SLC24A2: variants seen among roughly 807,000 people sequenced by gnomAD.
SLC24A2 encodes the protein solute carrier family 24 member 2.
In SLC24A2, 36 loss-of-function variants were observed where a neutral mutation model predicts 62.0. The observed-to-expected ratio is 0.58, with a 90% CI of 0.44 to 0.77. The LOEUF is 0.77. Among genes scored for constraint, SLC24A2 ranks in the 30% least tolerant of loss-of-function variants. The pLI, the probability that SLC24A2 is intolerant of heterozygous loss-of-function variation, is 0.00. For synonymous variants in SLC24A2, 358 were observed against 294.0 expected, an observed-to-expected ratio of 1.22 and a Z score of -2.23; for missense variants, 846 against 817.9, an observed-to-expected ratio of 1.03 and a Z score of -0.42.
chr9:19,703,834 C>A (rs559299022), intron 2 of SLC24A2, among the ~76,000 whole-genome samples: 4 of 152,188 alleles, frequency 2.6e-5, no homozygotes, highest in African/African-American at 7.2e-5. Flanking sequence ...AATCATAGCA[C>A]ATAAGAATGA....
chr9:20,062,662 G>C, the SLC24A2 span, among the ~76,000 whole-genome samples: 31 of 136,128 alleles, frequency 2.3e-4, no homozygotes, highest in South Asian at 2.6e-4. Flanking sequence ...AAACTAAAGA[G>C]CTTCTGCACA....
chr9:19,811,099 G>A, the SLC24A2 span, among the ~76,000 whole-genome samples: 1 of 152,156 alleles, frequency 6.6e-6, no homozygotes, highest in Non-Finnish European at 1.5e-5. Context: ...GTGGGGATTT[G>A]GGAGGTAATT....
the SLC24A2 span, among the ~76,000 whole-genome samples, chr9:20,130,366 A>G: frequency 6.6e-6 from 1 of 152,036 alleles, no homozygotes; most frequent in Non-Finnish European, 1.5e-5. Context: ...GGAAAATAAT[A>G]GGGAGAGAGG....
chr9:19,780,701 G>T (rs1480744865), intron 2 of SLC24A2, among the ~76,000 whole-genome samples: 1 of 151,438 alleles, frequency 6.6e-6, no homozygotes, highest in South Asian at 2.1e-4. Context: ...GTGAAACCCC[G>T]TCTCTTCTAA....
intron 2 of SLC24A2, among the ~76,000 whole-genome samples, chr9:19,783,418 G>A (rs1823072315): frequency 6.6e-6 from 1 of 152,134 alleles, no homozygotes; most frequent in African/African-American, 2.4e-5. Flanking sequence ...GGCCGCATTT[G>A]GCTTAAAGTC....
chr9:20,286,571 A>C, the SLC24A2 span, among the ~76,000 whole-genome samples: 1 of 152,224 alleles, frequency 6.6e-6, no homozygotes, highest in Non-Finnish European at 1.5e-5. Context: ...GCTCTATGTT[A>C]TGCTGCAAGG....
At chr9:19,667,366 G>A (rs1819284456) in intron 2 of SLC24A2, among the ~76,000 whole-genome samples, 1 of 152,124 alleles carries the variant, frequency 6.6e-6, no homozygotes, top group Admixed American at 6.6e-5. Flanking sequence ...CTTGGTTAAT[G>A]ATTCCATTGC....
intron 2 of SLC24A2, among the ~76,000 whole-genome samples, chr9:19,707,522 C>A (rs1469517653): frequency 6.6e-6 from 1 of 152,252 alleles, no homozygotes; most frequent in African/African-American, 2.4e-5. Context: ...ACTGGCAAAC[C>A]AAATCCAGCA....
At chr9:20,292,298 A>G in the SLC24A2 span, among the ~76,000 whole-genome samples, 1 of 152,232 alleles carries the variant, frequency 6.6e-6, no homozygotes. Flanking sequence ...AATCACTTTC[A>G]TGGAAATCTT....
chr9:19,570,287 T>G (rs1299515142), intron 7 of SLC24A2, among the ~76,000 whole-genome samples: 1 of 152,254 alleles, frequency 6.6e-6, no homozygotes, highest in Admixed American at 6.5e-5. Context: ...TTTTAAGGTT[T>G]TACACCTTTG....
Position 19,573,785 on chromosome 9 carries a change from A to G in SLC24A2, c.1229-316T>C, listed in dbSNP as rs115481935. 8.9e-3 allele frequency among the ~76,000 whole-genome samples: 1,361 copies of G among 152,196 alleles called. 21 individuals carry two copies. The highest frequency in any genetic ancestry group is 0.03 in the African/African-American group (1,253 of 41,526). On this transcript the variant is annotated intron_variant, in intron 6 of 10. Coordinates refer to ENST00000341998, the MANE Select transcript of SLC24A2 (RefSeq NM_020344.4). ...CATGACACTTTACCTTGGGTGCCCT[A>G]TCAGCTCCCATGATATGCCTTTCTT... is the stretch of plus-strand genomic sequence containing the variant.
At chr9:20,171,580 C>T in the SLC24A2 span, among the ~76,000 whole-genome samples, 3 of 151,760 alleles carry the variant, frequency 2.0e-5, no homozygotes, top group Admixed American at 1.3e-4. Flanking sequence ...TTATATCAGA[C>T]AAAACAAACT....
At chr9:19,636,534 C>T (rs553390317) in intron 2 of SLC24A2, among the ~76,000 whole-genome samples, 23 of 150,930 alleles carry the variant, frequency 1.5e-4, no homozygotes, top group East Asian at 9.7e-4. Flanking sequence ...TGAGTTCAAG[C>T]GATTATTCTC....
chr9:19,636,286 C>CTTCTTCTCTTCTTTTCTT lies in SLC24A2; in HGVS notation c.931-13988_931-13987insAAGAAAAGAAGAGAAGAA, dbSNP rs1818314587. On this transcript the variant is annotated intron_variant, in intron 2 of 10. Coordinates refer to ENST00000341998, the MANE Select transcript of SLC24A2 (RefSeq NM_020344.4). ...TTTTCTTCTCTTCTTCTCTTCTTCTCTTCTTTTCTTTTCTTTTCTTTTCTT... is the reference window on the plus strand; with the variant it reads ...TTTTCTTCTCTTCTTCTCTTCTTCTCTTCTTCTCTTCTTTTCTTTTCTTTTCTTTTCTTTTCTTTTCTT... Among the ~76,000 whole-genome samples the CTTCTTCTCTTCTTTTCTT allele has an allele frequency of 1.0e-4, 9 of 88,086 alleles. 3 individuals carry two copies. The highest frequency in any genetic ancestry group is 8.0e-4 in the Admixed American group (7 of 8,792). The allele number at this position is 88,086 out of a possible 152,430, so 57.8% of individuals were successfully genotyped here. A position where few individuals can be genotyped will look rare whatever the true frequency, so the allele number is the denominator to read the frequency against.
the SLC24A2 span, among the ~76,000 whole-genome samples, chr9:19,813,256 A>C: frequency 1.3e-5 from 2 of 151,234 alleles, no homozygotes; most frequent in African/African-American, 4.9e-5. Flanking sequence ...GAATGGGCAA[A>C]TACCCTCAGA....
At chr9:19,860,895 C>T in the SLC24A2 span, among the ~76,000 whole-genome samples, 1 of 152,294 alleles carries the variant, frequency 6.6e-6, no homozygotes, top group South Asian at 2.1e-4. Flanking sequence ...AGAACCGTGT[C>T]TTGTGGTTTG....
At chr9:19,518,528 TCTC>T (rs1333255240) in intron 10 of SLC24A2, among the ~76,000 whole-genome samples, 1 of 151,972 alleles carries the variant, frequency 6.6e-6, no homozygotes, top group Non-Finnish European at 1.5e-5. Flanking sequence ...TTCAAGCGAT[TCTC>T]CTGCCTCAGC....
chr9:19,726,093 A>C (rs956132027), intron 2 of SLC24A2, among the ~76,000 whole-genome samples: 1 of 152,202 alleles, frequency 6.6e-6, no homozygotes, highest in Non-Finnish European at 1.5e-5. Context: ...CTGAAGAATG[A>C]AAGCGGAGTC....
At chr9:20,203,596 C>T in the SLC24A2 span, among the ~76,000 whole-genome samples, 2 of 152,048 alleles carry the variant, frequency 1.3e-5, no homozygotes, top group Admixed American at 6.6e-5. Flanking sequence ...ATAATCCTAG[C>T]ACTTCAAGAG....
Sources: allele counts gnomAD v4.1 joint callset (sites outside exome capture counted in the v4.1 genomes callset), GRCh38; gene constraint gnomAD v4.1.1; transcripts MANE v1.5; gene names NCBI Gene and HGNC (gene_info 2026-07-23, HGNC 2026-07-21).